DIP2B: variants seen among roughly 807,000 people sequenced by gnomAD.
The protein encoded by DIP2B is disco-interacting protein 2 homolog B.
In DIP2B, 76 loss-of-function variants were observed where a neutral mutation model predicts 198.0. The observed-to-expected ratio is 0.38, with a 90% confidence interval of 0.32 to 0.46. The LOEUF (loss-of-function observed/expected upper bound fraction) is 0.46, where lower values mean the gene tolerates loss of function less well. Ranked by LOEUF, DIP2B falls within the 20% of genes least tolerant of loss-of-function variation. The probability of loss-of-function intolerance (pLI) is 0.99; values close to 1 mark genes in which losing one functional copy is unlikely to be tolerated. For synonymous variants in DIP2B, 701 were observed against 739.1 expected (o/e 0.95, Z 0.84); for missense variants, 1,559 against 1,978.4 (o/e 0.79, Z 4.02).
At chr12:50,585,654 T>C (rs1345264326) in intron 1 of DIP2B, among the ~76,000 whole-genome samples, 1 of 152,168 alleles carries the variant, frequency 6.6e-6, no homozygotes, top group East Asian at 1.9e-4. Flanking sequence ...AGGAGTCAGA[T>C]CACTTAAGGC....
rs568896946 is a variant in DIP2B at position 50,628,372 on chromosome 12, AAAATAAAT to A, written c.172+2341_172+2348del. Among the ~76,000 whole-genome samples, 29 of 152,290 alleles carry A rather than the reference AAAATAAAT, an allele frequency of 1.9e-4. No individual in the cohort carries two copies. The South Asian group carries it at 5.4e-3, about 28-fold the overall frequency. ...GGCCACAGAGCAAGACTCCGTCTCA[AAAATAAAT>A]AAATAAATAAATAAAAATATAAAAA... On this transcript the variant is annotated intron_variant, in intron 2 of 37. Transcript: ENST00000301180.
At chr12:50,643,857 G>GTT (rs1478412663) in intron 3 of DIP2B, among the ~76,000 whole-genome samples, 3 of 152,096 alleles carry the variant, frequency 2.0e-5, no homozygotes, top group African/African-American at 4.8e-5. Context: ...CCTTATATCT[G>GTT]TTTGCTACGC....
chr12:50,557,459 A>G (rs959951768), intron 1 of DIP2B, among the ~76,000 whole-genome samples: 7 of 152,128 alleles, frequency 4.6e-5, no homozygotes, highest in Non-Finnish European at 1.0e-4. Flanking sequence ...ATGTCTTCTT[A>G]GATTGTTAGA....
intron 1 of DIP2B, among the ~76,000 whole-genome samples, chr12:50,608,134 T>A (rs1959000046): frequency 6.6e-6 from 1 of 152,172 alleles, no homozygotes; most frequent in African/African-American, 2.4e-5. Flanking sequence ...CTTTCAACAA[T>A]TAGCAAATTA....
intron 4 of DIP2B, among the ~76,000 whole-genome samples, chr12:50,665,428 T>G (rs1208748122): frequency 5.3e-5 from 8 of 152,202 alleles, no homozygotes; most frequent in Non-Finnish European, 7.4e-5. Context: ...ATTATTCCAC[T>G]GAAGTGTCAT....
In DIP2B at chr12:50,694,031, C is replaced by CA. The variant is rs796612292; in HGVS notation, c.1719+1027dup. 1.9e-4 allele frequency among the ~76,000 whole-genome samples: 29 copies of CA among 151,230 alleles called. 1 individual carries two copies. The highest frequency in any genetic ancestry group is 6.1e-4 in the African/African-American group (25 of 41,208). On this transcript the variant is annotated intron_variant, in intron 14 of 37. Transcript: ENST00000301180. ...CCTCAACACCTTCAGCTTTATCTAA[C>CA]AAAAAAAAATTAACAGATGTAGGCA... is the stretch of plus-strand genomic sequence containing the variant.
intron 1 of DIP2B, among the ~76,000 whole-genome samples, chr12:50,558,611 AGAAT>A (rs1462613273): frequency 6.6e-6 from 1 of 152,250 alleles, no homozygotes; most frequent in African/African-American, 2.4e-5. Flanking sequence ...CAGAGATGGT[AGAAT>A]GAATATCTCT....
At chr12:50,676,965 A>G (rs1029939253) in intron 7 of DIP2B, among the ~76,000 whole-genome samples, 2 of 152,220 alleles carry the variant, frequency 1.3e-5, no homozygotes, top group African/African-American at 4.8e-5. Context: ...GAGTGAAACT[A>G]TTTCATGAAT....
chr12:50,539,393 G>A (rs1958299348), intron 1 of DIP2B, among the ~76,000 whole-genome samples: 1 of 151,844 alleles, frequency 6.6e-6, no homozygotes, highest in South Asian at 2.1e-4. Context: ...CTAGGCGGGT[G>A]GATCACCTGA....
At chr12:50,596,524 TG>T (rs771150361) in intron 1 of DIP2B, among the ~76,000 whole-genome samples, 2 of 152,218 alleles carry the variant, frequency 1.3e-5, no homozygotes, top group Non-Finnish European at 2.9e-5. Context: ...AAGGTTGACC[TG>T]GTTTGGATGA....
intron 1 of DIP2B, among the ~76,000 whole-genome samples, chr12:50,555,425 C>T (rs1958461821): frequency 6.6e-6 from 1 of 152,146 alleles, no homozygotes; most frequent in African/African-American, 2.4e-5. Flanking sequence ...TGCTTATCTA[C>T]CTGCTTTCCA....
chr12:50,534,178 T>G (rs1296467629), intron 1 of DIP2B, among the ~76,000 whole-genome samples: 2 of 152,144 alleles, frequency 1.3e-5, no homozygotes, highest in Non-Finnish European at 2.9e-5. Flanking sequence ...TTTGGGGAAC[T>G]CAGGGACAAG....
At chr12:50,524,500 CTCCCTTCTCTCCTTCCCTATTCT>C (rs1268539316) in intron 1 of DIP2B, among the ~76,000 whole-genome samples, 2 of 151,984 alleles carry the variant, frequency 1.3e-5, no homozygotes, top group Non-Finnish European at 2.9e-5. Context: ...CTTTTCCTTC[CTCCCTTCTCTCCTTCCCTATTCT>C]TCCCTCTCCT....
At chr12:50,524,225 C>T (rs1358494982) in intron 1 of DIP2B, among the ~76,000 whole-genome samples, 1 of 152,202 alleles carries the variant, frequency 6.6e-6, no homozygotes, top group East Asian at 1.9e-4. Flanking sequence ...CATGTCATCA[C>T]ATCTCTTGCT....
At position 50,552,655 on chromosome 12, in the gene DIP2B, G is replaced by A. The variant is rs534465987; in HGVS notation, c.100+47415G>A. ...TCTTTGGATGCACAAAAATTCTTAA[G>A]TTTGATATAGTCCCATTTATCTTAT... is the stretch of plus-strand genomic sequence containing the variant. On this transcript the variant is annotated intron_variant, in intron 1 of 37. Transcript: ENST00000301180. Among the ~76,000 whole-genome samples, 5 of 152,146 alleles carry A rather than the reference G, an allele frequency of 3.3e-5. No individual in the cohort carries two copies. In the East Asian group the frequency reaches 9.6e-4, roughly 29 times the overall value.
intron 1 of DIP2B, among the ~76,000 whole-genome samples, chr12:50,595,134 A>C (rs1406123257): frequency 2.0e-5 from 3 of 152,228 alleles, no homozygotes; most frequent in African/African-American, 7.2e-5. Context: ...TAAAAGGAAT[A>C]AACACATTCA....
At chr12:50,527,930 GT>G (rs537283926) in intron 1 of DIP2B, among the ~76,000 whole-genome samples, 198 of 141,458 alleles carry the variant, frequency 1.4e-3, no homozygotes, top group Non-Finnish European at 1.2e-3. Context: ...AATTCCTTCT[GT>G]TTTTTTTTTT....
At chr12:50,621,704 A>G (rs1322727589) in intron 1 of DIP2B, among the ~76,000 whole-genome samples, 2 of 152,124 alleles carry the variant, frequency 1.3e-5, no homozygotes, top group Non-Finnish European at 2.9e-5. Flanking sequence ...CACTAGGAGG[A>G]AGTAGTGGAA....
In DIP2B at chr12:50,734,239, G is replaced by T; in HGVS notation, c.4043+43G>T. 2.5e-6 allele frequency: 4 copies of T among 1,603,926 alleles called. No homozygotes were observed. In the Middle Eastern group the frequency reaches 6.6e-4, roughly 266 times the overall value. ...ATGCTCCTTTCCTACTAGTTCCTAA[G>T]CATAACAAATTCGGAACCTCAAAGC... On this transcript the variant is annotated intron_variant, in intron 33 of 37. Transcript: ENST00000301180.
Sources: allele counts gnomAD v4.1 joint callset (sites outside exome capture counted in the v4.1 genomes callset), GRCh38; gene constraint gnomAD v4.1.1; transcripts MANE v1.5; gene names NCBI Gene and HGNC (gene_info 2026-07-23, HGNC 2026-07-21).